REXO5: variants seen among roughly 807,000 people sequenced by gnomAD.
The protein encoded by REXO5 is exonuclease NEF-sp.
Under a neutral mutation model 88.5 loss-of-function variants are expected in REXO5, and 48 were observed. The ratio of observed to expected loss-of-function variants is 0.54; its 90% confidence interval spans 0.43 to 0.69. REXO5 has a LOEUF of 0.69. Ranked by LOEUF, REXO5 falls within the 30% of genes least tolerant of loss-of-function variation. The pLI is 0.00. For synonymous variants in REXO5, 311 were observed against 336.5 expected, an observed-to-expected ratio of 0.92 and a Z score of 0.83; for missense variants, 749 against 912.2, an observed-to-expected ratio of 0.82 and a Z score of 2.30.
Position 20,806,546 on chromosome 16 carries a change from AAGGAGGG to A in REXO5, c.-161_-155del. 4 of 1,519,056 alleles carry A rather than the reference AAGGAGGG, an allele frequency of 2.6e-6. No individual in the cohort carries two copies. In the South Asian group the frequency reaches 4.9e-5, roughly 19 times the overall value. The allele number at this position is 1,519,056 out of a possible 1,614,324, so 94.1% of individuals were successfully genotyped here. A position where few individuals can be genotyped will look rare whatever the true frequency, so the allele number is the denominator to read the frequency against. On this transcript the variant is annotated 5_prime_UTR_variant, in exon 1 of 20. Transcript: ENST00000261377. ...GCGGTTGTTGTTGGCAGCTGTGGCT[AAGGAGGG>A]GAGAACCTCTGCTCCCCGCCCGTCT...
chr16:20,837,091 T>C (rs2081443077), intron 13 of REXO5, among the ~76,000 whole-genome samples: 1 of 152,194 alleles, frequency 6.6e-6, no homozygotes, highest in Non-Finnish European at 1.5e-5. Context: ...ATTCTCTTTA[T>C]CGTATATTTT....
chr16:20,830,226 TC>T (rs1178871632), intron 11 of REXO5, among the ~76,000 whole-genome samples: 4 of 152,066 alleles, frequency 2.6e-5, no homozygotes, highest in Non-Finnish European at 4.4e-5. Context: ...TCACTCTGTT[TC>T]CCAGGCTGGA....
At chr16:20,832,102 G>A in intron 11 of REXO5, 54 bp from the exon 12 acceptor site, 2 of 1,147,256 alleles carry the variant, frequency 1.7e-6, no homozygotes, top group Non-Finnish European at 1.3e-6. Flanking sequence ...GTATTTATTT[G>A]AGCATCAAAT....
intron 13 of REXO5, among the ~76,000 whole-genome samples, chr16:20,833,822 C>A (rs553562946): frequency 6.6e-6 from 1 of 152,280 alleles, no homozygotes; most frequent in African/African-American, 2.4e-5. Context: ...TTTTATATAA[C>A]CACATCTTAA....
chr16:20,846,092 G>C, intron 18 of REXO5, 129 bp from the exon 19 acceptor site: 1 of 751,610 alleles, frequency 1.3e-6, no homozygotes, highest in Non-Finnish European at 2.3e-6. Flanking sequence ...TCCAGTGTTA[G>C]AAAAGGGATT....
At chr16:20,806,499 A>G (rs931644063), upstream of REXO5, 1 of 1,545,728 alleles carries the variant, frequency 6.5e-7, no homozygotes, top group Non-Finnish European at 8.7e-7. Flanking sequence ...CGGTCCGTTC[A>G]AAAAGCCCGC....
chr16:20,816,933 A>G (rs1327297113), intron 5 of REXO5, among the ~76,000 whole-genome samples: 2 of 152,236 alleles, frequency 1.3e-5, no homozygotes, highest in Non-Finnish European at 2.9e-5. Context: ...GATACTAGCC[A>G]GCTGAAAGAT....
At chr16:20,807,200 C>A in intron 2 of REXO5, 109 bp downstream of exon 2, 1 of 1,218,042 alleles carries the variant, frequency 8.2e-7, no homozygotes, top group Non-Finnish European at 1.1e-6. Flanking sequence ...CCGCCCTGGC[C>A]TCTCCGAACC....
At chr16:20,831,784 T>G (rs886673026) in intron 11 of REXO5, among the ~76,000 whole-genome samples, 2 of 146,718 alleles carry the variant, frequency 1.4e-5, no homozygotes, top group African/African-American at 4.9e-5. Flanking sequence ...TTTCCAAAAT[T>G]GCATGTTTGC....
At chr16:20,821,644 GC>G (rs1189812575) in intron 5 of REXO5, 117 bp from the exon 6 acceptor site, 4 of 934,816 alleles carry the variant, frequency 4.3e-6, no homozygotes, top group Non-Finnish European at 6.1e-6. Flanking sequence ...AATGGTTGGG[GC>G]TGAGTTTTAT....
chr16:20,822,285 T>TA (rs1435031784), intron 6 of REXO5, among the ~76,000 whole-genome samples: 1 of 152,206 alleles, frequency 6.6e-6, no homozygotes, highest in East Asian at 1.9e-4. Flanking sequence ...ACTGCCCCCA[T>TA]ATTTCTTTAA....
rs144701521 is a variant in REXO5, at chr16:20,845,258, G to A, written c.2124+17G>A. 49 of 1,607,058 alleles carry A rather than the reference G, an allele frequency of 3.0e-5. No homozygotes were observed. Among genetic ancestry groups the A allele is most frequent in the East Asian group, 6.7e-5 (3 of 44,704 alleles). ...GCCTTGCAGGTGAGTGAGTGAAGGC[G>A]TCTTGGAGAAGATGTCAGGAGAGTC... On this transcript the variant is annotated intron_variant, in intron 18 of 19. Coordinates refer to ENST00000261377, the MANE Select transcript of REXO5 (RefSeq NM_030941.3).
chr16:20,814,289 T>G (rs1295262171), intron 3 of REXO5, among the ~76,000 whole-genome samples: 1 of 152,128 alleles, frequency 6.6e-6, no homozygotes, highest in African/African-American at 2.4e-5. Context: ...TAGGCTGGAG[T>G]GCAGTGGCAC....
intron 19 of REXO5, among the ~76,000 whole-genome samples, chr16:20,847,408 C>A (rs145336276): frequency 6.8e-4 from 102 of 150,392 alleles, no homozygotes; most frequent in Middle Eastern, 3.4e-3. Context: ...TGCACTCCAG[C>A]CTGGGCTACA....
chr16:20,838,860 A>G (rs2081480571), intron 13 of REXO5, among the ~76,000 whole-genome samples: 1 of 152,190 alleles, frequency 6.6e-6, no homozygotes, highest in Non-Finnish European at 1.5e-5. Flanking sequence ...GTGGTGTGGA[A>G]GAAGCCATAT....
At chr16:20,828,601 C>A in intron 11 of REXO5, 64 bp downstream of exon 11, 1 of 1,102,160 alleles carries the variant, frequency 9.1e-7, no homozygotes, top group Non-Finnish European at 1.4e-6. Flanking sequence ...CAGATTATCA[C>A]AGACTACCAA....
chr16:20,808,450 A>G (rs937400322), intron 2 of REXO5, among the ~76,000 whole-genome samples: 22 of 150,004 alleles, frequency 1.5e-4, no homozygotes, highest in African/African-American at 5.4e-4. Context: ...GCACCCAGCT[A>G]TTCATTGGTT....
At chr16:20,834,130 T>C (rs1439062792) in intron 13 of REXO5, among the ~76,000 whole-genome samples, 1 of 152,206 alleles carries the variant, frequency 6.6e-6, no homozygotes, top group African/African-American at 2.4e-5. Context: ...GTGTGGTGTT[T>C]GCTCATGATT....
At chr16:20,826,982 T>C (rs768204315) in intron 8 of REXO5, 76 bp from the exon 9 acceptor site, 16 of 1,459,624 alleles carry the variant, frequency 1.1e-5, no homozygotes, top group African/African-American at 1.4e-5. Context: ...TAAAAAATGT[T>C]ATTTTTAAAA....
Sources: gnomAD v4.1 joint callset for allele counts (sites outside exome capture counted in the v4.1 genomes callset) on GRCh38, gnomAD v4.1.1 for gene constraint, MANE v1.5 for transcripts, NCBI Gene and HGNC (gene_info 2026-07-23, HGNC 2026-07-21) for gene names.